SLCO3A1: variants seen among roughly 807,000 people sequenced by gnomAD.
SLCO3A1 encodes PGE1 transporter.
Under a neutral mutation model 63.1 loss-of-function variants are expected in SLCO3A1, and 27 were observed. The ratio of observed to expected loss-of-function variants is 0.43; its 90% CI spans 0.32 to 0.59. SLCO3A1 has a LOEUF of 0.59. Ranked by LOEUF, SLCO3A1 falls within the 20% of genes least tolerant of loss-of-function variation. SLCO3A1 has a pLI of 0.09. For synonymous variants in SLCO3A1, 473 were observed against 409.9 expected (o/e 1.15, Z -1.86); for missense variants, 773 against 945.8 (o/e 0.82, Z 2.40).
intron 2 of SLCO3A1, among the ~76,000 whole-genome samples, chr15:91,949,809 C>A (rs771331258): frequency 1.1e-4 from 16 of 152,176 alleles, no homozygotes; most frequent in Non-Finnish European, 1.8e-4. Flanking sequence ...CCAGCCTGAA[C>A]AATATAGTGA....
chr15:91,898,173 A>G (rs1304217122), intron 1 of SLCO3A1, among the ~76,000 whole-genome samples: 1 of 151,948 alleles, frequency 6.6e-6, no homozygotes, highest in African/African-American at 2.4e-5. Flanking sequence ...TGCCTGTGTC[A>G]CTGGTGCACA....
Position 92,165,047 on chromosome 15 carries a change from G to T in SLCO3A1, c.*1912G>T, listed in dbSNP as rs879393013. The T allele has an allele frequency of 1.2e-4, 119 of 985,362 alleles. 1 individual carries two copies. Among genetic ancestry groups the T allele is most frequent in the Middle Eastern group, 5.2e-4 (1 of 1,916 alleles). 61.0% of individuals were successfully genotyped at this position (985,362 alleles called of 1,614,324 possible). On this transcript the variant is annotated 3_prime_UTR_variant, in exon 10 of 10. Transcript: ENST00000318445. ...ACAAAAGAATCAGGAAGTAAAAAAT[G>T]GTTGGGAGTGGGACAGGTATGGTAC...
chr15:91,860,310 A>G lies in SLCO3A1; in HGVS notation c.180+6222A>G, dbSNP rs942193987. Among the ~76,000 whole-genome samples the G allele has an allele frequency of 1.3e-5, 2 of 152,132 alleles. No homozygotes were observed. The highest frequency in any genetic ancestry group is 1.5e-5 in the Non-Finnish European group (1 of 68,022). On this transcript the variant is annotated intron_variant, in intron 1 of 9. Transcript: ENST00000318445. This position sits in a 1 kb window ranked among gnomAD's most constrained non-coding sequence, Gnocchi z 5.5. ...ACCTGGATTTGAACTTAGACTTGCTATTTCCCAGCTCCTGGCAACTTCACT... is the reference window on the plus strand; with the variant it reads ...ACCTGGATTTGAACTTAGACTTGCTGTTTCCCAGCTCCTGGCAACTTCACT...
At chr15:91,919,489 G>A (rs954454830) in intron 2 of SLCO3A1, among the ~76,000 whole-genome samples, 3 of 152,228 alleles carry the variant, frequency 2.0e-5, no homozygotes, top group East Asian at 1.9e-4. Context: ...ACGGTGACCC[G>A]TGGGTGGCAC....
intron 3 of SLCO3A1, among the ~76,000 whole-genome samples, chr15:92,095,904 C>A (rs1039349430): frequency 1.3e-5 from 2 of 152,210 alleles, no homozygotes; most frequent in African/African-American, 4.8e-5. Flanking sequence ...TCAGAAATGA[C>A]ATACAGTGTT....
chr15:92,153,500 C>T (rs1362779001), intron 9 of SLCO3A1: 2 of 152,228 alleles, frequency 1.3e-5, no homozygotes, highest in East Asian at 3.9e-4. Flanking sequence ...CTTGCAGGAC[C>T]CAGTAAGATT....
Position 92,164,843 on chromosome 15 carries a change from CAG to C in SLCO3A1, c.*1711_*1712del, listed in dbSNP as rs2048480026. 6 of 985,258 alleles carry C rather than the reference CAG, an allele frequency of 6.1e-6. No homozygotes were observed. The highest frequency in any genetic ancestry group is 7.2e-6 in the Non-Finnish European group (6 of 829,944). 61.0% of individuals were successfully genotyped at this position (985,258 alleles called of 1,614,324 possible). ...TTCTACGGCCATTTCTGTAAGGGGA[CAG>C]AGCTTAGGTAAAGGCACACACTCAT... On this transcript the variant is annotated 3_prime_UTR_variant, in exon 10 of 10. Transcript: ENST00000318445.
chr15:92,136,938 G>C (rs1295776871), intron 7 of SLCO3A1, among the ~76,000 whole-genome samples: 1 of 148,092 alleles, frequency 6.8e-6, no homozygotes, highest in Non-Finnish European at 1.5e-5. Flanking sequence ...TGGCTATATA[G>C]TATTCCATCG....
chr15:91,996,081 A>G (rs1368944110), intron 2 of SLCO3A1, among the ~76,000 whole-genome samples: 2 of 152,172 alleles, frequency 1.3e-5, no homozygotes, highest in African/African-American at 2.4e-5. Context: ...AAAATTGCCC[A>G]TATTTGCAGA....
chr15:92,162,977 C>G lies in SLCO3A1; in HGVS notation c.1975C>G (p.His659Asp), dbSNP rs905661512. The change falls in exon 10 of 10, where the codon CAC becomes GAC. Residue 659 changes from histidine to aspartate, a missense_variant. His to Asp is a moderately conservative substitution (Grantham distance 81, BLOSUM62 -1). Transcript: ENST00000318445. ...AAACTATAAACGCTACATCAAAAAC[C>G]ACGAGGGCGGGCTGAGCACCAGTGA... ...RKNYKRYIKN[H>D]EGGLSTSEFF... 1 of 1,614,032 alleles carries G rather than the reference C, an allele frequency of 6.2e-7. No individual in the cohort carries two copies. Among genetic ancestry groups the G allele is most frequent in the African/African-American group, 1.3e-5 (1 of 75,028 alleles).
rs1454087214 is a variant in SLCO3A1, at chr15:91,865,461, T to G, written c.180+11373T>G. On this transcript the variant is annotated intron_variant, in intron 1 of 9. Transcript: ENST00000318445. The surrounding 1 kb of genome is among the most constrained non-coding windows in gnomAD (Gnocchi z 4.6). Reference sequence around the variant, plus strand: ...ATTAACTAGGGCTGCTGTAACAAATTACCACAAACTGGGTGGCTTGAAACA... The same window carrying G: ...ATTAACTAGGGCTGCTGTAACAAATGACCACAAACTGGGTGGCTTGAAACA... 6.6e-6 allele frequency among the ~76,000 whole-genome samples: 1 copy of G among 152,170 alleles called. No individual in the cohort carries two copies. Among genetic ancestry groups the G allele is most frequent in the Non-Finnish European group, 1.5e-5 (1 of 68,028 alleles).
Position 92,071,560 on chromosome 15 carries a change from C to T in SLCO3A1, c.647-23321C>T, listed in dbSNP as rs772289353. 1.2e-4 allele frequency among the ~76,000 whole-genome samples: 19 copies of T among 152,112 alleles called. 1 individual carries two copies. Among genetic ancestry groups the T allele is most frequent in the Non-Finnish European group, 1.9e-4 (13 of 68,030 alleles). On this transcript the variant is annotated intron_variant, in intron 2 of 9. Transcript: ENST00000318445. ...TGTCACCCATCTCGGAATAATTGTCCGCCAGCACTAGATTTTACAAAGTGA... is the reference window on the plus strand; with the variant it reads ...TGTCACCCATCTCGGAATAATTGTCTGCCAGCACTAGATTTTACAAAGTGA...
At position 92,094,874 on chromosome 15, in the gene SLCO3A1, C is replaced by T. The variant is rs368758974; in HGVS notation, c.647-7C>T. ...TGTAATCTATTTTTTTCTTCATCTT[C>T]CTTCAGGAATCCTGTTCACGATGCT... On this transcript the variant is annotated splice_polypyrimidine_tract_variant and splice_region_variant and intron_variant, in intron 2 of 9. Coordinates refer to ENST00000318445, the MANE Select transcript of SLCO3A1 (RefSeq NM_013272.4). The T allele has an allele frequency of 4.4e-6, 7 of 1,600,288 alleles. No homozygotes were observed. The African/African-American group carries it at 6.7e-5, about 15-fold the overall frequency.
chr15:91,925,409 G>C (rs1898977373), intron 2 of SLCO3A1, among the ~76,000 whole-genome samples: 1 of 151,296 alleles, frequency 6.6e-6, no homozygotes, highest in South Asian at 2.1e-4. Flanking sequence ...TAATTTTTTA[G>C]TGTTAAAATG....
intron 2 of SLCO3A1, among the ~76,000 whole-genome samples, chr15:91,959,420 G>T: frequency 6.6e-6 from 1 of 151,266 alleles, no homozygotes; most frequent in East Asian, 1.9e-4. Context: ...CTCCAAAAAC[G>T]ATTGAAATTT....
At chr15:92,042,707 G>A (rs548281755) in intron 2 of SLCO3A1, among the ~76,000 whole-genome samples, 13 of 152,286 alleles carry the variant, frequency 8.5e-5, no homozygotes, top group African/African-American at 2.9e-4. Context: ...AGCTGAGGGA[G>A]GAGGGCAGCC....
chr15:92,133,338 TTTC>T (rs1291040208), intron 7 of SLCO3A1, among the ~76,000 whole-genome samples: 1 of 146,368 alleles, frequency 6.8e-6, no homozygotes, highest in Non-Finnish European at 1.5e-5. Context: ...CAGTCTCTTT[TTTC>T]TTCTCACCAT....
intron 1 of SLCO3A1, among the ~76,000 whole-genome samples, chr15:91,876,410 T>C (rs983866292): frequency 5.3e-5 from 8 of 152,224 alleles, no homozygotes; most frequent in Non-Finnish European, 1.0e-4. Context: ...ACTGCCAACT[T>C]CAAGGGAGCA....
At chr15:92,138,771 CTGTT>C in intron 7 of SLCO3A1, among the ~76,000 whole-genome samples, 1 of 83,976 alleles carries the variant, frequency 1.2e-5, no homozygotes, top group Non-Finnish European at 2.1e-5. Flanking sequence ...ATTTGGCTCT[CTGTT>C]TGTCTGTTGT....
Sources: allele counts gnomAD v4.1 joint callset (sites outside exome capture counted in the v4.1 genomes callset), GRCh38; gene constraint gnomAD v4.1.1; non-coding constraint Gnocchi (gnomAD v3.1); transcripts MANE v1.5; gene names NCBI Gene and HGNC (gene_info 2026-07-23, HGNC 2026-07-21).